The following CDH20 variants were observed in gnomAD, a reference collection of about 807,000 sequenced individuals.
CDH20 encodes the protein cadherin-20.
A neutral mutation model predicts 74.2 loss-of-function variants in CDH20; 29 were observed. That is an observed-to-expected ratio of 0.39 (90% CI 0.29 to 0.53). CDH20 has a LOEUF of 0.53. Among genes scored for constraint, CDH20 ranks in the 20% least tolerant of loss-of-function variants. The probability of loss-of-function intolerance (pLI) is 0.69; values close to 1 mark genes in which losing one functional copy is unlikely to be tolerated. For synonymous variants in CDH20, 469 were observed against 405.4 expected, an observed-to-expected ratio of 1.16 and a Z score of -1.88; for missense variants, 988 against 1,048.3, an observed-to-expected ratio of 0.94 and a Z score of 0.79.
intron 1 of CDH20, among the ~76,000 whole-genome samples, chr18:61,426,583 G>A (rs1913078393): frequency 6.6e-6 from 1 of 152,140 alleles, no homozygotes; most frequent in African/African-American, 2.4e-5. Flanking sequence ...CGGTTCCTTT[G>A]CATGGGTTCA....
intron 1 of CDH20, among the ~76,000 whole-genome samples, chr18:61,352,073 G>A (rs1300292230): frequency 2.6e-5 from 4 of 152,076 alleles, no homozygotes; most frequent in African/African-American, 4.8e-5. Context: ...ACAGCTTCTC[G>A]ATGCCTCTAT....
chr18:61,445,753 A>G (rs748105895), intron 1 of CDH20, among the ~76,000 whole-genome samples: 11 of 152,218 alleles, frequency 7.2e-5, no homozygotes, highest in Non-Finnish European at 1.2e-4. Flanking sequence ...GCTTAAGACA[A>G]CTATAATCAT....
At chr18:61,377,563 C>A (rs1252763834) in intron 1 of CDH20, among the ~76,000 whole-genome samples, 1 of 151,144 alleles carries the variant, frequency 6.6e-6, no homozygotes, top group Non-Finnish European at 1.5e-5. Context: ...TCTTTGGTGA[C>A]CACTTCAGAA....
chr18:61,351,965 A>G (rs1033810395), intron 1 of CDH20, among the ~76,000 whole-genome samples: 3 of 152,210 alleles, frequency 2.0e-5, no homozygotes, highest in Admixed American at 2.0e-4. Flanking sequence ...CCATGCATAA[A>G]GACTTATTTT....
At chr18:61,499,073 G>C (rs182572809) in intron 2 of CDH20, 113 bp from the exon 3 acceptor site, 163 of 795,364 alleles carry the variant, frequency 2.0e-4, no homozygotes, top group Admixed American at 4.5e-4. Flanking sequence ...TTAAACATTT[G>C]AAAAATCTCC....
intron 11 of CDH20, among the ~76,000 whole-genome samples, chr18:61,551,108 G>C (rs541133887): frequency 6.6e-6 from 1 of 152,280 alleles, no homozygotes; most frequent in East Asian, 1.9e-4. Flanking sequence ...CATACTGCAA[G>C]GTGGCTCCCC....
rs561673797 is a variant in CDH20, at chr18:61,430,171, G to A, written c.-152-60231G>A. Among the ~76,000 whole-genome samples, 51 of 151,886 alleles carry A rather than the reference G, an allele frequency of 3.4e-4. 1 individual carries two copies. The highest frequency in any genetic ancestry group is 1.2e-3 in the African/African-American group (50 of 41,378). On this transcript the variant is annotated intron_variant, in intron 1 of 11. Transcript: ENST00000262717. ...ACTTTTGCAGTTTGGTCTTGGTCATGCTTGCAAGCGTAAATCTCACAGTAT... is the reference window on the plus strand; with the variant it reads ...ACTTTTGCAGTTTGGTCTTGGTCATACTTGCAAGCGTAAATCTCACAGTAT...
intron 7 of CDH20, among the ~76,000 whole-genome samples, chr18:61,532,636 A>G (rs1912686381): frequency 6.6e-6 from 1 of 151,558 alleles, no homozygotes; most frequent in Non-Finnish European, 1.5e-5. Context: ...TTTGGCATGC[A>G]TATATTCTAT....
intron 6 of CDH20, among the ~76,000 whole-genome samples, chr18:61,518,907 C>T (rs1411031788): frequency 6.6e-6 from 1 of 151,154 alleles, no homozygotes; most frequent in African/African-American, 2.5e-5. Flanking sequence ...CTAGAATAAC[C>T]AGTTTAGACA....
In CDH20 at chr18:61,463,924, C is replaced by T. The variant is rs1258262397; in HGVS notation, c.-152-26478C>T. On this transcript the variant is annotated intron_variant, in intron 1 of 11. Transcript: ENST00000262717. ...CATCTTTAGAAGGGCCCAGAAGTAT[C>T]ATTTCTCCCTCCTCTGCCCACACCG... is the stretch of plus-strand genomic sequence containing the variant. Among the ~76,000 whole-genome samples, 3 of 152,206 alleles carry T rather than the reference C, an allele frequency of 2.0e-5. No individual in the cohort carries two copies. The South Asian group carries it at 6.2e-4, about 32-fold the overall frequency.
intron 1 of CDH20, among the ~76,000 whole-genome samples, chr18:61,431,765 A>C (rs1449420361): frequency 6.6e-6 from 1 of 152,312 alleles, no homozygotes; most frequent in Admixed American, 6.5e-5. Context: ...CTGAGCTTCT[A>C]TAAAAGTTTG....
At chr18:61,471,733 C>T (rs77481770) in intron 1 of CDH20, among the ~76,000 whole-genome samples, 2,124 of 152,252 alleles carry the variant, frequency 0.014, 50 homozygotes, top group African/African-American at 0.049. Flanking sequence ...TCCCGTTTGT[C>T]GGAGCATTTA....
At chr18:61,426,921 G>A (rs1020529194) in intron 1 of CDH20, among the ~76,000 whole-genome samples, 28 of 152,128 alleles carry the variant, frequency 1.8e-4, no homozygotes, top group African/African-American at 6.5e-4. Flanking sequence ...CGTAGTCATT[G>A]GGTCTGTGGT....
chr18:61,538,641 C>G (rs1342281846), intron 8 of CDH20, among the ~76,000 whole-genome samples: 8 of 66,660 alleles, frequency 1.2e-4, no homozygotes, highest in African/African-American at 4.0e-4. Context: ...TTTTTTGAGA[C>G]GGAGTCTTAC....
At chr18:61,453,706 C>T (rs911807942) in intron 1 of CDH20, among the ~76,000 whole-genome samples, 1 of 152,184 alleles carries the variant, frequency 6.6e-6, no homozygotes, top group Non-Finnish European at 1.5e-5. Flanking sequence ...TATCCTTTCA[C>T]TCACTGAAGG....
intron 1 of CDH20, among the ~76,000 whole-genome samples, chr18:61,444,116 A>ACAC (rs1909120377): frequency 6.6e-6 from 1 of 152,074 alleles, no homozygotes; most frequent in African/African-American, 2.4e-5. Flanking sequence ...ATTCTTAAGT[A>ACAC]AATACTTGTG....
intron 1 of CDH20, among the ~76,000 whole-genome samples, chr18:61,445,004 T>G (rs1266182823): frequency 1.3e-5 from 2 of 152,164 alleles, no homozygotes; most frequent in Admixed American, 6.6e-5. Context: ...GTTTCTTCTT[T>G]GAAAATTTAT....
intron 1 of CDH20, among the ~76,000 whole-genome samples, chr18:61,461,851 G>T (rs1178449618): frequency 6.6e-6 from 1 of 152,094 alleles, no homozygotes; most frequent in Non-Finnish European, 1.5e-5. Flanking sequence ...TCAATCAGAC[G>T]CTGAAGTGAA....
At chr18:61,352,353 A>G (rs1283326727) in intron 1 of CDH20, among the ~76,000 whole-genome samples, 1 of 152,220 alleles carries the variant, frequency 6.6e-6, no homozygotes, top group Non-Finnish European at 1.5e-5. Context: ...ATGCACTCAG[A>G]ACTTCAGATC....
Sources: allele counts gnomAD v4.1 joint callset (sites outside exome capture counted in the v4.1 genomes callset), GRCh38; gene constraint gnomAD v4.1.1; transcripts MANE v1.5; gene names NCBI Gene and HGNC (gene_info 2026-07-23, HGNC 2026-07-21).